Variants in MRTFA observed in about 807,000 individuals in gnomAD.
The protein encoded by MRTFA is myocardin related transcription factor A.
Under a neutral mutation model 83.5 loss-of-function variants are expected in MRTFA, and 20 were observed. The observed-to-expected ratio is 0.24, with a 90% CI of 0.17 to 0.35. The LOEUF is 0.35. Among genes scored for constraint, MRTFA ranks in the 10% least tolerant of loss-of-function variants. The pLI is 1.00. For missense variants in MRTFA, 1,200 were observed against 1,224.7 expected (o/e 0.98, Z 0.30); for synonymous variants, 659 against 541.2 (o/e 1.22, Z -3.02).
chr22:40,494,935 A>G (rs573047773), intron 3 of MRTFA, among the ~76,000 whole-genome samples: 16 of 152,266 alleles, frequency 1.1e-4, no homozygotes, highest in African/African-American at 3.9e-4. Flanking sequence ...GAAATAATCT[A>G]TATGTCTTGA....
rs757518469 is a variant in MRTFA at position 40,431,396 on chromosome 22, T to A, written c.439+9A>T. ...GATCTAGATGGAAAAGCAATTCCAA[T>A]CTCCACACCTTCCAAAATGTGCATC... is the stretch of plus-strand genomic sequence containing the variant. On this transcript the variant is annotated intron_variant, in intron 6 of 14. Coordinates refer to ENST00000355630, the MANE Select transcript of MRTFA (RefSeq NM_020831.6). 1.2e-6 allele frequency: 2 copies of A among 1,613,704 alleles called. No homozygotes were observed. The highest frequency in any genetic ancestry group is 1.7e-6 in the Non-Finnish European group (2 of 1,179,692).
intron 3 of MRTFA, among the ~76,000 whole-genome samples, chr22:40,548,646 G>A (rs919600604): frequency 1.3e-5 from 2 of 151,896 alleles, no homozygotes; most frequent in Non-Finnish European, 2.9e-5. Flanking sequence ...GGATCACAAG[G>A]TCAAGAGATC....
At chr22:40,584,630 G>C (rs2056000160) in intron 2 of MRTFA, among the ~76,000 whole-genome samples, 1 of 151,422 alleles carries the variant, frequency 6.6e-6, no homozygotes, top group African/African-American at 2.4e-5. Flanking sequence ...CAGCTACTCG[G>C]GAGACCGTAG....
chr22:40,508,513 CAAA>C (rs1175724448), intron 3 of MRTFA, among the ~76,000 whole-genome samples: 1,031 of 25,786 alleles, frequency 0.04, 7 homozygotes, highest in African/African-American at 0.13. Context: ...CTCCGTCTCT[CAAA>C]AAAAAAAAAA....
intron 7 of MRTFA, among the ~76,000 whole-genome samples, chr22:40,428,095 G>C (rs1376027037): frequency 1.3e-5 from 2 of 152,308 alleles, no homozygotes; most frequent in East Asian, 1.9e-4. Context: ...AATGTTAAGT[G>C]AAGTGTTTCC....
intron 3 of MRTFA, among the ~76,000 whole-genome samples, chr22:40,517,127 T>C (rs2147251627): frequency 6.6e-6 from 1 of 152,334 alleles, no homozygotes; most frequent in African/African-American, 2.4e-5. Flanking sequence ...CTCACTATGT[T>C]GCCCAGGCTG....
intron 2 of MRTFA, among the ~76,000 whole-genome samples, chr22:40,563,277 A>T (rs1352763345): frequency 6.6e-6 from 1 of 152,044 alleles, no homozygotes; most frequent in Non-Finnish European, 1.5e-5. Flanking sequence ...CTTCCACAAC[A>T]TCCCAAGATT....
intron 1 of MRTFA, among the ~76,000 whole-genome samples, chr22:40,623,848 T>C (rs2056551024): frequency 6.6e-6 from 1 of 152,180 alleles, no homozygotes; most frequent in Non-Finnish European, 1.5e-5. Context: ...AGCATGGTGG[T>C]TCACGTCTGT....
intron 3 of MRTFA, among the ~76,000 whole-genome samples, chr22:40,517,502 G>C (rs1401170934): frequency 1.3e-5 from 2 of 152,120 alleles, no homozygotes; most frequent in Non-Finnish European, 2.9e-5. Flanking sequence ...GGCCAGCTGG[G>C]TACAATCTTA....
chr22:40,538,578 A>T (rs1241743877), intron 3 of MRTFA, among the ~76,000 whole-genome samples: 2 of 12,482 alleles, frequency 1.6e-4, no homozygotes, highest in East Asian at 3.9e-3. Context: ...AAAATAAATT[A>T]AAAAAAAAAT....
intron 3 of MRTFA, among the ~76,000 whole-genome samples, chr22:40,533,301 GACAAT>G (rs2147279172): frequency 6.6e-6 from 1 of 152,258 alleles, no homozygotes; most frequent in South Asian, 2.1e-4. Context: ...CAGTGCCACA[GACAAT>G]ACAACACTTG....
At chr22:40,500,750 T>C (rs1181494544) in intron 3 of MRTFA, among the ~76,000 whole-genome samples, 7 of 150,042 alleles carry the variant, frequency 4.7e-5, no homozygotes, top group East Asian at 2.0e-4. Flanking sequence ...CAGAGGAATT[T>C]TTCTTAGTGC....
chr22:40,507,636 C>A (rs1165115966), intron 3 of MRTFA, among the ~76,000 whole-genome samples: 2 of 151,410 alleles, frequency 1.3e-5, no homozygotes, highest in Non-Finnish European at 2.9e-5. Flanking sequence ...AAAAAATTGT[C>A]CTAGATTAAG....
chr22:40,462,292 T>C (rs2053728807), intron 4 of MRTFA, among the ~76,000 whole-genome samples: 1 of 152,214 alleles, frequency 6.6e-6, no homozygotes, highest in Admixed American at 6.5e-5. Flanking sequence ...GGATTTATCT[T>C]GCTGCATCAA....
intron 3 of MRTFA, among the ~76,000 whole-genome samples, chr22:40,489,482 ATTTT>A (rs987145169): frequency 2.8e-5 from 4 of 143,498 alleles, no homozygotes; most frequent in Admixed American, 2.1e-4. Flanking sequence ...TAATTTTTTC[ATTTT>A]TTTTTTTCTA....
chr22:40,485,331 G>A (rs1222960743), intron 3 of MRTFA, among the ~76,000 whole-genome samples: 2 of 152,140 alleles, frequency 1.3e-5, no homozygotes, highest in East Asian at 1.9e-4. Flanking sequence ...CACACTGTGG[G>A]ACAGACAACA....
intron 2 of MRTFA, among the ~76,000 whole-genome samples, chr22:40,568,732 C>T (rs1034149654): frequency 6.6e-6 from 1 of 152,194 alleles, no homozygotes; most frequent in East Asian, 1.9e-4. Flanking sequence ...GGAGTTCACA[C>T]ATTACAACTA....
rs1179645833 is a variant in MRTFA at position 40,416,456 on chromosome 22, C to T, written c.2578+530G>A. ...TCCCACACAATGGAGCCAAAGCCACCCTGCCCTGGTGCCCAGGAGGCCACG... is the reference window on the plus strand; with the variant it reads ...TCCCACACAATGGAGCCAAAGCCACTCTGCCCTGGTGCCCAGGAGGCCACG... On this transcript the variant is annotated intron_variant, in intron 14 of 14. Coordinates refer to ENST00000355630, the MANE Select transcript of MRTFA (RefSeq NM_020831.6). The surrounding 1 kb of genome is among the most constrained non-coding windows in gnomAD (Gnocchi z 4.2). 6.6e-6 allele frequency among the ~76,000 whole-genome samples: 1 copy of T among 152,238 alleles called. No homozygotes were observed. Among genetic ancestry groups the T allele is most frequent in the Non-Finnish European group, 1.5e-5 (1 of 68,046 alleles).
chr22:40,564,382 A>G (rs1342355473), intron 2 of MRTFA, among the ~76,000 whole-genome samples: 1 of 152,184 alleles, frequency 6.6e-6, no homozygotes, highest in Non-Finnish European at 1.5e-5. Context: ...AGAGAATAAC[A>G]GAAGAAAAGT....
Sources: allele counts gnomAD v4.1 joint callset (sites outside exome capture counted in the v4.1 genomes callset), GRCh38; gene constraint gnomAD v4.1.1; non-coding constraint Gnocchi (gnomAD v3.1); transcripts MANE v1.5; gene names NCBI Gene and HGNC (gene_info 2026-07-23, HGNC 2026-07-21).